APBB1IP: variants seen among roughly 807,000 people sequenced by gnomAD.
APBB1IP encodes the protein amyloid beta A4 precursor protein-binding family B member 1-interacting protein.
Under a neutral mutation model 64.9 loss-of-function variants are expected in APBB1IP, and 27 were observed. That is an observed-to-expected ratio of 0.42 (90% CI 0.31 to 0.57). APBB1IP has a LOEUF of 0.57. APBB1IP is among the 20% of genes least tolerant of loss of function. The probability of loss-of-function intolerance (pLI) is 0.20; values close to 1 mark genes in which losing one functional copy is unlikely to be tolerated. For missense variants in APBB1IP, 812 were observed against 845.5 expected (o/e 0.96, Z 0.49); for synonymous variants, 392 against 331.0 (o/e 1.18, Z -2.00).
intron 11 of APBB1IP, among the ~76,000 whole-genome samples, chr10:26,555,676 C>T (rs1049295440): frequency 2.0e-5 from 3 of 152,134 alleles, no homozygotes; most frequent in African/African-American, 4.8e-5. Context: ...CATGGCTCAC[C>T]GCAGCCTCGA....
intron 8 of APBB1IP, among the ~76,000 whole-genome samples, chr10:26,522,281 C>T (rs980954576): frequency 3.9e-5 from 6 of 152,064 alleles, no homozygotes; most frequent in Non-Finnish European, 7.4e-5. Flanking sequence ...CTATATATCC[C>T]GTGCCTTCAC....
intron 5 of APBB1IP, 58 bp from the exon 6 acceptor site, chr10:26,503,139 G>A (rs1403067766): frequency 2.0e-6 from 3 of 1,527,398 alleles, no homozygotes; most frequent in Non-Finnish European, 2.7e-6. Context: ...TGACAGAAGT[G>A]ATTACTCACT....
intron 8 of APBB1IP, among the ~76,000 whole-genome samples, chr10:26,528,676 C>A (rs1836510353): frequency 6.6e-6 from 1 of 152,204 alleles, no homozygotes; most frequent in African/African-American, 2.4e-5. Context: ...GTGGCTCACG[C>A]CTGTAATCCC....
chr10:26,533,484 A>C lies in APBB1IP; in HGVS notation c.859A>C (p.Asn287His). ...NRGKKESKET[N>H]EKMNAKNKES... ...AGGAAAAAAAGAAAGCAAGGAAACT[A>C]ATGAGAAAATGAATGCTAAGAACAA... The change falls in exon 9 of 15, where the codon AAT (asparagine) becomes CAT (histidine). Residue 287 changes from asparagine to histidine, a missense_variant. Around this residue, in one of 3 missense-constraint regions of APBB1IP, gnomAD observed 394 missense variants for 413.1 expected, o/e 0.95. Transcript: ENST00000376236. 6.2e-7 allele frequency: 1 copy of C among 1,605,936 alleles called. No individual in the cohort carries two copies. Among genetic ancestry groups the C allele is most frequent in the Non-Finnish European group, 8.5e-7 (1 of 1,176,838 alleles).
chr10:26,452,139 C>G (rs937789478), intron 2 of APBB1IP, among the ~76,000 whole-genome samples: 1 of 118,536 alleles, frequency 8.4e-6, no homozygotes, highest in African/African-American at 2.9e-5. Context: ...TTATATCAAA[C>G]ATATTCTTAG....
rs1835768214 is a variant in APBB1IP at position 26,475,761 on chromosome 10, A to AC, written c.1-16566_1-16565insC. 2.0e-5 allele frequency among the ~76,000 whole-genome samples: 3 copies of AC among 152,058 alleles called. No homozygotes were observed. The South Asian group carries it at 6.2e-4, about 32-fold the overall frequency. On this transcript the variant is annotated intron_variant, in intron 2 of 14. Transcript: ENST00000376236. ...ATCAGCAGTACACAGGAGAGATAATATTTTTTTTCCTTTGCATAGTCTTTC... is the reference window on the plus strand; with the variant it reads ...ATCAGCAGTACACAGGAGAGATAATACTTTTTTTTCCTTTGCATAGTCTTTC...
At chr10:26,523,010 CAAAAAAAAAAAAA>C (rs35641109) in intron 8 of APBB1IP, among the ~76,000 whole-genome samples, 4 of 64,764 alleles carry the variant, frequency 6.2e-5, no homozygotes, top group Non-Finnish European at 1.2e-4. Flanking sequence ...ACTCCATCTC[CAAAAAAAAAAAAA>C]AAAAAAAAAC....
intron 8 of APBB1IP, among the ~76,000 whole-genome samples, chr10:26,520,563 G>A (rs147965104): frequency 6.6e-6 from 1 of 152,324 alleles, no homozygotes; most frequent in East Asian, 1.9e-4. Flanking sequence ...GAAAGTGAAT[G>A]CAGAGGGAGG....
chr10:26,492,531 G>C (rs1489037210), intron 3 of APBB1IP, 133 bp downstream of exon 3: 4 of 752,580 alleles, frequency 5.3e-6, no homozygotes, highest in South Asian at 3.6e-5. Context: ...TTTCAATGTA[G>C]GTTCTTTTCT....
chr10:26,556,132 G>A (rs1288366598), intron 11 of APBB1IP, among the ~76,000 whole-genome samples: 1 of 152,182 alleles, frequency 6.6e-6, no homozygotes. Flanking sequence ...TCCCAAGAGA[G>A]CTTCTCTCTC....
At chr10:26,471,943 A>G (rs1003781937) in intron 2 of APBB1IP, among the ~76,000 whole-genome samples, 2 of 152,126 alleles carry the variant, frequency 1.3e-5, no homozygotes, top group African/African-American at 4.8e-5. Context: ...TCGGCCTCCC[A>G]AAGTGCTGGG....
At chr10:26,459,294 A>G (rs1835563348) in intron 2 of APBB1IP, among the ~76,000 whole-genome samples, 1 of 151,946 alleles carries the variant, frequency 6.6e-6, no homozygotes, top group Non-Finnish European at 1.5e-5. Context: ...GCTGCATAGT[A>G]TTCCATGGTG....
chr10:26,486,706 A>G (rs141516667), intron 2 of APBB1IP, among the ~76,000 whole-genome samples: 46 of 152,196 alleles, frequency 3.0e-4, no homozygotes, highest in African/African-American at 1.0e-3. Context: ...TGTGAGATTA[A>G]CTCTGCCGTC....
At chr10:26,531,530 G>A (rs111478997) in intron 8 of APBB1IP, among the ~76,000 whole-genome samples, 42 of 152,122 alleles carry the variant, frequency 2.8e-4, no homozygotes, top group African/African-American at 9.6e-4. Context: ...AGCCGGGCGC[G>A]ATGGCGGGCG....
Position 26,567,206 on chromosome 10 carries a change from G to A in APBB1IP, c.1719G>A (p.Pro573=), listed in dbSNP as rs1349457273. The A allele has an allele frequency of 7.4e-7, 1 of 1,345,536 alleles. No homozygotes were observed. Among genetic ancestry groups the A allele is most frequent in the Non-Finnish European group, 9.5e-7 (1 of 1,055,012 alleles). The allele number at this position is 1,345,536 out of a possible 1,614,324, so 83.3% of individuals were successfully genotyped here. A position where few individuals can be genotyped will look rare whatever the true frequency, so the allele number is the denominator to read the frequency against. ...LDDPELPPPP[P]DFMEPPPDFV... Reference sequence around the variant, plus strand: ...ACCCTGAGCTCCCGCCGCCGCCCCCGGACTTCATGGAGCCGCCCCCAGACT... The same window carrying A: ...ACCCTGAGCTCCCGCCGCCGCCCCCAGACTTCATGGAGCCGCCCCCAGACT... Residue 573 remains proline, a synonymous_variant, in exon 15 of 15, where the codon CCG becomes CCA. Coordinates refer to ENST00000376236, the MANE Select transcript of APBB1IP (RefSeq NM_019043.4).
chr10:26,506,248 T>TGGGGGG (rs1264191856), intron 6 of APBB1IP, among the ~76,000 whole-genome samples: 1 of 30,832 alleles, frequency 3.2e-5, no homozygotes, highest in Non-Finnish European at 7.6e-5. Flanking sequence ...ACCGTGTGTG[T>TGGGGGG]GTGGGGGGGG....
rs74395091 is a variant in APBB1IP, at chr10:26,550,761, G to A, written c.1155+9069G>A. ...CTTTTTGTCCATTTAGTGAGACCAT[G>A]TTTTCTAGGCTATTCTTACTCCTTG... On this transcript the variant is annotated intron_variant, in intron 11 of 14. Coordinates refer to ENST00000376236, the MANE Select transcript of APBB1IP (RefSeq NM_019043.4). 6.0e-3 allele frequency among the ~76,000 whole-genome samples: 911 copies of A among 152,198 alleles called. 8 individuals carry two copies. The highest frequency in any genetic ancestry group is 0.021 in the African/African-American group (864 of 41,530).
At chr10:26,488,026 T>C (rs867340999) in intron 2 of APBB1IP, among the ~76,000 whole-genome samples, 1 of 152,224 alleles carries the variant, frequency 6.6e-6, no homozygotes, top group South Asian at 2.1e-4. Context: ...ATCTGAAGGA[T>C]TCCTTTATTT....
Position 26,560,142 on chromosome 10 carries a change from A to T in APBB1IP, c.1193A>T (p.Tyr398Phe), listed in dbSNP as rs1286872497. 12 of 1,614,164 alleles carry T rather than the reference A, an allele frequency of 7.4e-6. No individual in the cohort carries two copies. Among genetic ancestry groups the T allele is most frequent in the Non-Finnish European group, 9.3e-6 (11 of 1,180,030 alleles). Residue 398 changes from tyrosine to phenylalanine, a missense_variant, in exon 12 of 15, where the codon TAT (tyrosine) becomes TTT (phenylalanine). Around this residue, in one of 3 missense-constraint regions of APBB1IP, gnomAD observed 37 missense variants for 80.4 expected, o/e 0.46. Transcript: ENST00000376236. ...QIQKESQYIK[Y>F]LCCDDTRTLN... ...CAGAAGGAGTCCCAGTATATCAAGTATCTCTGCTGTGATGACACAAGAACC... is the reference window on the plus strand; with the variant it reads ...CAGAAGGAGTCCCAGTATATCAAGTTTCTCTGCTGTGATGACACAAGAACC...
Sources: gnomAD v4.1 joint callset for allele counts (sites outside exome capture counted in the v4.1 genomes callset) on GRCh38, gnomAD v4.1.1 for gene constraint, gnomAD v4.1.1 regional missense constraint, MANE v1.5 for transcripts, NCBI Gene and HGNC (gene_info 2026-07-23, HGNC 2026-07-21) for gene names.